PRMT8: variants seen among roughly 807,000 people sequenced by gnomAD.
PRMT8 encodes the protein protein arginine N-methyltransferase 8.
PRMT8 carries 7 observed loss-of-function variants against 47.1 expected under a neutral mutation model. The observed-to-expected ratio is 0.15, with a 90% CI of 0.08 to 0.28. The LOEUF is 0.28. Among genes scored for constraint, PRMT8 ranks in the 10% least tolerant of loss-of-function variants. The pLI, the probability that PRMT8 is intolerant of heterozygous loss-of-function variation, is 1.00. For missense variants in PRMT8, 237 were observed against 505.4 expected (o/e 0.47, Z 5.09); for synonymous variants, 188 against 186.5 (o/e 1.01, Z -0.07).
chr12:3,518,483 T>A (rs144890916), intron 1 of PRMT8, among the ~76,000 whole-genome samples: 2 of 152,126 alleles, frequency 1.3e-5, no homozygotes, highest in African/African-American at 4.8e-5. Context: ...ACCCAATTTT[T>A]GTACCTGGGC....
chr12:3,476,277 C>T (rs374524365), intron 1 of PRMT8, among the ~76,000 whole-genome samples: 25 of 152,300 alleles, frequency 1.6e-4, no homozygotes, highest in African/African-American at 5.3e-4. Context: ...GTAACCTTTC[C>T]GCAGAGGTCT....
intron 8 of PRMT8, among the ~76,000 whole-genome samples, chr12:3,589,111 G>T (rs1413944293): frequency 6.6e-6 from 1 of 152,190 alleles, no homozygotes; most frequent in Non-Finnish European, 1.5e-5. Flanking sequence ...TGATGCAATG[G>T]CTTAGTAAGT....
At chr12:3,496,429 A>G (rs1038984683) in intron 1 of PRMT8, among the ~76,000 whole-genome samples, 4 of 151,078 alleles carry the variant, frequency 2.6e-5, no homozygotes, top group Non-Finnish European at 5.9e-5. Flanking sequence ...TCAGCTGAAG[A>G]ATGTGGTCCC....
chr12:3,425,719 C>G (rs56016518), intron 1 of PRMT8, among the ~76,000 whole-genome samples: 1 of 152,214 alleles, frequency 6.6e-6, no homozygotes, highest in African/African-American at 2.4e-5. Flanking sequence ...ATGTGAGTGT[C>G]GAAAGGCGAG....
At chr12:3,437,467 G>A (rs953049834) in intron 1 of PRMT8, among the ~76,000 whole-genome samples, 4 of 151,678 alleles carry the variant, frequency 2.6e-5, no homozygotes, top group Non-Finnish European at 4.4e-5. Flanking sequence ...TTTATCCCCC[G>A]GGTAAAAAGC....
chr12:3,496,225 T>A (rs865786332), intron 1 of PRMT8, among the ~76,000 whole-genome samples: 4,809 of 121,946 alleles, frequency 0.039, 701 homozygotes, highest in African/African-American at 0.15. Context: ...TTTTTTTTTT[T>A]TTTTTTTTTT....
At chr12:3,544,098 A>G (rs918141295) in intron 2 of PRMT8, among the ~76,000 whole-genome samples, 17 of 152,204 alleles carry the variant, frequency 1.1e-4, no homozygotes, top group African/African-American at 4.1e-4. Flanking sequence ...CAATTTGTCA[A>G]TGGGCAGTCA....
intron 1 of PRMT8, among the ~76,000 whole-genome samples, chr12:3,520,729 A>G (rs566844273): frequency 3.7e-4 from 57 of 152,338 alleles, no homozygotes; most frequent in African/African-American, 1.4e-3. Context: ...GTTCAGCCCA[A>G]ATCTGTAAAT....
At chr12:3,415,677 G>A (rs528727448) in intron 1 of PRMT8, among the ~76,000 whole-genome samples, 3 of 152,358 alleles carry the variant, frequency 2.0e-5, no homozygotes, top group Non-Finnish European at 4.4e-5. Context: ...GAACAGTGGA[G>A]GAAGGAAGGT....
chr12:3,445,593 A>T lies in PRMT8; in HGVS notation c.48+64151A>T, dbSNP rs545977394. Among the ~76,000 whole-genome samples the T allele has an allele frequency of 1.5e-3, 234 of 152,062 alleles. 2 individuals carry two copies. Among genetic ancestry groups the T allele is most frequent in the Non-Finnish European group, 2.5e-3 (172 of 67,984 alleles). On this transcript the variant is annotated intron_variant, in intron 1 of 9. Transcript: ENST00000452611. Reference sequence around the variant, plus strand: ...GTGTAGACAAATAGCTCTCGGTGTTACTCCACAGGGATCAGGGCAATGCTG... The same window carrying T: ...GTGTAGACAAATAGCTCTCGGTGTTTCTCCACAGGGATCAGGGCAATGCTG...
intron 1 of PRMT8, among the ~76,000 whole-genome samples, chr12:3,404,595 A>G (rs1159688949): frequency 2.0e-5 from 3 of 152,294 alleles, no homozygotes; most frequent in African/African-American, 2.4e-5. Context: ...AATAACATCA[A>G]TTTGCCTGTT....
chr12:3,552,387 G>A lies in PRMT8; in HGVS notation c.418-1264G>A, dbSNP rs1316779946. 1.5e-5 allele frequency: 3 copies of A among 201,984 alleles called. No individual in the cohort carries two copies. The highest frequency in any genetic ancestry group is 8.1e-5 in the South Asian group (1 of 12,360). The allele number at this position is 201,984 out of a possible 1,614,324, so 12.5% of individuals were successfully genotyped here. On this transcript the variant is annotated intron_variant, in intron 3 of 9. Coordinates refer to ENST00000382622, the MANE Select transcript of PRMT8 (RefSeq NM_019854.5). The surrounding 1 kb of genome is among the most constrained non-coding windows in gnomAD (Gnocchi z 4.5). Reference sequence around the variant, plus strand: ...GCTGAGTTTACCCTCACACACTCACGTGCATTGGGGGCTTCGACTTCTCTC... The same window carrying A: ...GCTGAGTTTACCCTCACACACTCACATGCATTGGGGGCTTCGACTTCTCTC...
intron 1 of PRMT8, among the ~76,000 whole-genome samples, chr12:3,437,354 A>G (rs1864754736): frequency 6.6e-6 from 1 of 151,938 alleles, no homozygotes; most frequent in African/African-American, 2.4e-5. Flanking sequence ...TTAGTTTTAT[A>G]TATTTTATTT....
chr12:3,536,863 C>T (rs777324562), intron 1 of PRMT8, among the ~76,000 whole-genome samples: 1 of 152,174 alleles, frequency 6.6e-6, no homozygotes, highest in Non-Finnish European at 1.5e-5. Flanking sequence ...CTTTAATGGC[C>T]GCATAGTGTT....
intron 1 of PRMT8, among the ~76,000 whole-genome samples, chr12:3,425,509 C>T (rs1379755806): frequency 6.6e-6 from 1 of 152,246 alleles, no homozygotes; most frequent in Non-Finnish European, 1.5e-5. Flanking sequence ...GGTCAGGTAG[C>T]CCCAGGGCTG....
intron 1 of PRMT8, among the ~76,000 whole-genome samples, chr12:3,424,412 A>G (rs546594922): frequency 6.6e-6 from 1 of 152,298 alleles, no homozygotes; most frequent in Admixed American, 6.5e-5. Context: ...ATTCATTTTT[A>G]CAGAGTCCTA....
chr12:3,470,768 A>C (rs540408018), intron 1 of PRMT8, among the ~76,000 whole-genome samples: 4 of 152,312 alleles, frequency 2.6e-5, no homozygotes, highest in African/African-American at 9.6e-5. Flanking sequence ...AGCCTGGTGA[A>C]TTCAGATTAT....
chr12:3,524,642 TAA>T lies in PRMT8; in HGVS notation c.76-15945_76-15944del, dbSNP rs34644466. Among the ~76,000 whole-genome samples, 233 of 89,266 alleles carry T rather than the reference TAA, an allele frequency of 2.6e-3. 2 individuals are homozygous for T. Among genetic ancestry groups the T allele is most frequent in the African/African-American group, 7.9e-3 (177 of 22,442 alleles). The allele number at this position is 89,266 out of a possible 152,430, so 58.6% of individuals were successfully genotyped here. ...TGCAACAAAATGCAGCAAGACAATC[TAA>T]AAAAAAAAAAAAAAAAAAGCACCTG... On this transcript the variant is annotated intron_variant, in intron 1 of 9. Coordinates refer to ENST00000382622, the MANE Select transcript of PRMT8 (RefSeq NM_019854.5).
chr12:3,445,616 C>A (rs1864848173), intron 1 of PRMT8, among the ~76,000 whole-genome samples: 1 of 152,140 alleles, frequency 6.6e-6, no homozygotes, highest in Admixed American at 6.5e-5. Flanking sequence ...CAGGGCAATG[C>A]TGATCAGCTC....
Sources: allele counts gnomAD v4.1 joint callset (sites outside exome capture counted in the v4.1 genomes callset), GRCh38; gene constraint gnomAD v4.1.1; non-coding constraint Gnocchi (gnomAD v3.1); transcripts MANE v1.5; gene names NCBI Gene and HGNC (gene_info 2026-07-23, HGNC 2026-07-21).